The following ATRN variants were observed in gnomAD, a reference collection of about 807,000 sequenced individuals.
The protein encoded by ATRN is attractin, also known as attractin-2.
A neutral mutation model predicts 178.7 loss-of-function variants in ATRN; 54 were observed. That is an observed-to-expected ratio of 0.30 (90% CI 0.24 to 0.38). The LOEUF (loss-of-function observed/expected upper bound fraction) is 0.38, where lower values mean the gene tolerates loss of function less well. Ranked by LOEUF, ATRN falls within the 10% of genes least tolerant of loss-of-function variation. ATRN has a pLI of 1.00. For synonymous variants in ATRN, 636 were observed against 663.0 expected (o/e 0.96, Z 0.63); for missense variants, 1,443 against 1,815.1 (o/e 0.79, Z 3.73).
intron 18 of ATRN, among the ~76,000 whole-genome samples, chr20:3,589,373 T>C (rs1227861577): frequency 1.3e-5 from 2 of 152,110 alleles, no homozygotes; most frequent in African/African-American, 4.8e-5. Context: ...GATTTTTTTT[T>C]CTGTCTAATT....
chr20:3,498,515 A>G (rs1222102761), intron 1 of ATRN, among the ~76,000 whole-genome samples: 1 of 151,926 alleles, frequency 6.6e-6, no homozygotes, highest in Non-Finnish European at 1.5e-5. Context: ...CTGGGATGCA[A>G]GGCTGGTTCA....
At chr20:3,609,463 A>C (rs1459094076) in intron 24 of ATRN, among the ~76,000 whole-genome samples, 1 of 152,208 alleles carries the variant, frequency 6.6e-6, no homozygotes, top group Non-Finnish European at 1.5e-5. Flanking sequence ...GATTATATCA[A>C]CTGCAAATAG....
At chr20:3,620,542 C>T (rs919796996) in intron 24 of ATRN, among the ~76,000 whole-genome samples, 3 of 152,160 alleles carry the variant, frequency 2.0e-5, no homozygotes, top group African/African-American at 7.2e-5. Flanking sequence ...CTGCATCCAG[C>T]CTGATGTTTA....
Position 3,648,519 on chromosome 20 carries a change from CAAAAG to C in ATRN, c.*1674_*1678del, listed in dbSNP as rs2146331100. On this transcript the variant is annotated 3_prime_UTR_variant, in exon 29 of 29. Coordinates refer to ENST00000262919, the MANE Select transcript of ATRN (RefSeq NM_139321.3). ...GAGTTTGTGAATTTGGAGAGATACT[CAAAAG>C]AGCTAAAACTGCAGCATTTTACCTT... The C allele has an allele frequency of 1.3e-5, 2 of 152,688 alleles. No individual in the cohort carries two copies. The highest frequency in any genetic ancestry group is 2.9e-5 in the Non-Finnish European group (2 of 68,036). The allele number at this position is 152,688 out of a possible 1,614,324, so 9.5% of individuals were successfully genotyped here. A position where few individuals can be genotyped will look rare whatever the true frequency, so the allele number is the denominator to read the frequency against.
At chr20:3,583,782 TG>T in intron 16 of ATRN, 115 bp from the exon 17 acceptor site, 1 of 1,095,004 alleles carries the variant, frequency 9.1e-7, no homozygotes, top group Non-Finnish European at 1.3e-6. Context: ...CACTCTAGCC[TG>T]GAGACAGAGT....
At chr20:3,570,993 G>C (rs942458655) in intron 11 of ATRN, among the ~76,000 whole-genome samples, 1 of 152,162 alleles carries the variant, frequency 6.6e-6, no homozygotes, top group Non-Finnish European at 1.5e-5. Flanking sequence ...TCCCTCAATA[G>C]ATAAATGGCT....
At chr20:3,570,868 T>C (rs1449822398) in intron 11 of ATRN, among the ~76,000 whole-genome samples, 1 of 152,168 alleles carries the variant, frequency 6.6e-6, no homozygotes, top group African/African-American at 2.4e-5. Context: ...TGCTCCTGGG[T>C]TGGCTGTTGT....
At chr20:3,543,208 G>A (rs2085649992) in intron 3 of ATRN, among the ~76,000 whole-genome samples, 1 of 152,206 alleles carries the variant, frequency 6.6e-6, no homozygotes, top group Non-Finnish European at 1.5e-5. Context: ...ACCTGTGTGG[G>A]GAGTATCTGG....
At chr20:3,505,969 T>C (rs1391943352) in intron 1 of ATRN, among the ~76,000 whole-genome samples, 1 of 152,196 alleles carries the variant, frequency 6.6e-6, no homozygotes, top group African/African-American at 2.4e-5. Context: ...GGGGAATCCT[T>C]ATAGTGTTGA....
chr20:3,528,246 T>C (rs1020881349), intron 1 of ATRN, among the ~76,000 whole-genome samples: 1 of 151,864 alleles, frequency 6.6e-6, no homozygotes, highest in Admixed American at 6.6e-5. Context: ...TGGGCGCCTG[T>C]AATCCCAGCT....
intron 1 of ATRN, among the ~76,000 whole-genome samples, chr20:3,502,284 T>C (rs2084975112): frequency 6.6e-6 from 1 of 152,090 alleles, no homozygotes. Context: ...AATAAGATGG[T>C]ATAGACTCAG....
chr20:3,614,268 C>T (rs917436131), intron 24 of ATRN, among the ~76,000 whole-genome samples: 1 of 152,088 alleles, frequency 6.6e-6, no homozygotes, highest in Non-Finnish European at 1.5e-5. Context: ...GGGGCTCAGC[C>T]GGCTTCAGCT....
At chr20:3,477,212 A>G (rs2084544066) in intron 1 of ATRN, among the ~76,000 whole-genome samples, 1 of 104,574 alleles carries the variant, frequency 9.6e-6, no homozygotes, top group African/African-American at 4.6e-5. Context: ...TCACAAGTCC[A>G]GTTTAGGCTG....
At chr20:3,483,885 G>A (rs2084656425) in intron 1 of ATRN, among the ~76,000 whole-genome samples, 1 of 151,952 alleles carries the variant, frequency 6.6e-6, no homozygotes, top group African/African-American at 2.4e-5. Context: ...CCATTATACA[G>A]TATTACTTTA....
At chr20:3,489,887 C>T in intron 1 of ATRN, 1 of 1,295,736 alleles carries the variant, frequency 7.7e-7, no homozygotes, top group Admixed American at 1.7e-5. Context: ...AGCCAAGTGG[C>T]AGGTTTTTGG....
At chr20:3,550,205 G>A (rs1169755144) in intron 6 of ATRN, among the ~76,000 whole-genome samples, 1 of 152,162 alleles carries the variant, frequency 6.6e-6, no homozygotes, top group Admixed American at 6.5e-5. Flanking sequence ...GCCGGCACCT[G>A]TAGTCTCAGC....
chr20:3,638,705 A>C lies in ATRN; in HGVS notation c.3943-123A>C. ...ATGTTATCTAATATCAAGTCTAAAAAGTATCATTTTGGACTTGATTTGTTT... is the reference window on the plus strand; with the variant it reads ...ATGTTATCTAATATCAAGTCTAAAACGTATCATTTTGGACTTGATTTGTTT... On this transcript the variant is annotated intron_variant, in intron 26 of 28. Transcript: ENST00000262919. This position sits in a 1 kb window ranked among gnomAD's most constrained non-coding sequence, Gnocchi z 4.5. 1 of 748,468 alleles carries C rather than the reference A, an allele frequency of 1.3e-6. No individual in the cohort carries two copies. The highest frequency in any genetic ancestry group is 1.9e-5 in the South Asian group (1 of 53,312). The allele number at this position is 748,468 out of a possible 1,614,324, so 46.4% of individuals were successfully genotyped here.
chr20:3,491,379 A>G (rs537613995), intron 1 of ATRN, among the ~76,000 whole-genome samples: 58 of 152,302 alleles, frequency 3.8e-4, no homozygotes, highest in African/African-American at 1.3e-3. Context: ...GCCTTGTCTT[A>G]CTAAACTTCA....
intron 24 of ATRN, among the ~76,000 whole-genome samples, chr20:3,623,196 CTT>C (rs1036411846): frequency 3.3e-5 from 5 of 152,152 alleles, no homozygotes; most frequent in Admixed American, 6.6e-5. Context: ...TTATCTAAAA[CTT>C]TTATGTGAGG....
Sources: allele counts gnomAD v4.1 joint callset (sites outside exome capture counted in the v4.1 genomes callset), GRCh38; gene constraint gnomAD v4.1.1; non-coding constraint Gnocchi (gnomAD v3.1); transcripts MANE v1.5; gene names NCBI Gene and HGNC (gene_info 2026-07-23, HGNC 2026-07-21).